The following DMAC2 variants were observed in gnomAD, a reference collection of about 807,000 sequenced individuals.
DMAC2 encodes distal membrane arm assembly component 2.
A neutral mutation model predicts 29.6 loss-of-function variants in DMAC2; 32 were observed. That is an observed-to-expected ratio of 1.08 (90% CI 0.81 to 1.45). The LOEUF is 1.45. Among genes scored for constraint, DMAC2 ranks in the 40% most tolerant of loss-of-function variants. The pLI, the probability that DMAC2 is intolerant of heterozygous loss-of-function variation, is 0.00. For synonymous variants in DMAC2, 133 were observed against 137.4 expected (o/e 0.97, Z 0.23); for missense variants, 319 against 340.0 (o/e 0.94, Z 0.49).
intron 1 of DMAC2, 139 bp from the exon 2 acceptor site, chr19:41,438,553 CTGTCTT>C: frequency 1.3e-6 from 1 of 765,308 alleles, no homozygotes; most frequent in Non-Finnish European, 2.0e-6. Flanking sequence ...AACTTCAAAA[CTGTCTT>C]TGAGATTCCA....
intron 1 of DMAC2, among the ~76,000 whole-genome samples, chr19:41,438,746 A>AC (rs1555772035): frequency 6.6e-6 from 1 of 151,912 alleles, no homozygotes; most frequent in African/African-American, 2.4e-5. Flanking sequence ...CCCCTTAATT[A>AC]CCCAATTCTT....
At chr19:41,432,855 A>AGTGT (rs1164841710) in intron 5 of DMAC2, 2 of 478,524 alleles carry the variant, frequency 4.2e-6, no homozygotes, top group East Asian at 3.4e-5. Context: ...CTTACAGGAC[A>AGTGT]GTGTGTGTGC....
At chr19:41,434,434 TTTTACA>T (rs2039751021) in intron 3 of DMAC2, among the ~76,000 whole-genome samples, 1 of 145,852 alleles carries the variant, frequency 6.9e-6, no homozygotes, top group South Asian at 2.2e-4. Context: ...GTTTTGCCAA[TTTTACA>T]TACCTAGAAA....
chr19:41,435,472 G>A (rs1484772795), intron 3 of DMAC2, among the ~76,000 whole-genome samples: 6 of 152,232 alleles, frequency 3.9e-5, no homozygotes, highest in East Asian at 1.9e-4. Flanking sequence ...GTTTCACCAC[G>A]TTGGCTAGGC....
chr19:41,439,403 T>C, intron 1 of DMAC2: 1 of 1,194,784 alleles, frequency 8.4e-7, no homozygotes, highest in South Asian at 1.3e-5. Context: ...AATTGACCTC[T>C]TGGTTCCCCC....
rs1349870222 is a variant in DMAC2, at chr19:41,432,674, G to GTGTGTGTGTA, written c.597-267_597-266insTACACACACA. On this transcript the variant is annotated intron_variant, in intron 5 of 5. Coordinates refer to ENST00000221943, the MANE Select transcript of DMAC2 (RefSeq NM_018035.3). ...ACAGCGTGTGTGTGTGTGTGTGTGT[G>GTGTGTGTGTA]TGTATAGGGAGATAAGCCAGTATAA... 7.5e-3 allele frequency: 2,722 copies of GTGTGTGTGTA among 365,024 alleles called. 55 individuals carry two copies. The highest frequency in any genetic ancestry group is 0.015 in the Middle Eastern group (19 of 1,238). 22.6% of individuals were successfully genotyped at this position (365,024 alleles called of 1,614,324 possible).
intron 1 of DMAC2, chr19:41,439,562 G>A: frequency 6.5e-7 from 1 of 1,531,780 alleles, no homozygotes; most frequent in South Asian, 1.2e-5. Context: ...ACCCTTGCCT[G>A]TCCATTAGCT....
Position 41,439,892 on chromosome 19 carries a change from G to A in DMAC2, c.8C>T (p.Ala3Val), listed in dbSNP as rs987430324. 2 of 1,614,224 alleles carry A rather than the reference G, an allele frequency of 1.2e-6. No homozygotes were observed. Among genetic ancestry groups the A allele is most frequent in the Non-Finnish European group, 8.5e-7 (1 of 1,180,042 alleles). The change falls in exon 1 of 6, where the codon GCT becomes GTT. Residue 3 changes from alanine to valine, a missense_variant. Coordinates refer to ENST00000221943, the MANE Select transcript of DMAC2 (RefSeq NM_018035.3). MA[A>V]PWASLRLVAP... ...ACTCCGGTCACTTACCGCCCAGGGAGCCGCCATCTTGCTAAGGTTTCGTAA... is the reference window on the plus strand; with the variant it reads ...ACTCCGGTCACTTACCGCCCAGGGAACCGCCATCTTGCTAAGGTTTCGTAA...
At chr19:41,439,282 C>T (rs1419515272) in intron 1 of DMAC2, 6 of 513,516 alleles carry the variant, frequency 1.2e-5, no homozygotes, top group African/African-American at 2.0e-5. Flanking sequence ...AAGTTTAAAG[C>T]TGCCAACCTC....
At chr19:41,436,585 C>T (rs2039876793) in intron 2 of DMAC2, 113 bp from the exon 3 acceptor site, 3 of 856,580 alleles carry the variant, frequency 3.5e-6, no homozygotes, top group Non-Finnish European at 3.8e-6. Flanking sequence ...CAGACAGATT[C>T]AGTCAGGCTG....
chr19:41,434,182 CCGAGATCGTGCCA>C (rs1456622961), intron 3 of DMAC2, among the ~76,000 whole-genome samples: 3 of 151,870 alleles, frequency 2.0e-5, no homozygotes, highest in African/African-American at 7.3e-5. Context: ...TTGCAGTGAG[CCGAGATCGTGCCA>C]CTGCACTCCA....
At chr19:41,439,447 C>A (rs548271917) in intron 1 of DMAC2, 73 of 1,521,278 alleles carry the variant, frequency 4.8e-5, no homozygotes, top group Non-Finnish European at 6.0e-5. Flanking sequence ...TGTAAAAATT[C>A]GTCAATCTCC....
chr19:41,439,572 T>G (rs782567554), intron 1 of DMAC2: 16 of 1,528,462 alleles, frequency 1.0e-5, no homozygotes, highest in East Asian at 4.9e-5. Context: ...GTCCATTAGC[T>G]CCTTGTGTCA....
Position 41,436,488 on chromosome 19 carries a change from T to C in DMAC2, c.216-16A>G, listed in dbSNP as rs1364830334. ...GGTGTAAGATCTGCAGAGAAAATGG[T>C]AGCTAAGGGTGAGGCCTGGGGAGCA... On this transcript the variant is annotated splice_polypyrimidine_tract_variant and intron_variant, in intron 2 of 5. Transcript: ENST00000221943. 5 of 1,612,498 alleles carry C rather than the reference T, an allele frequency of 3.1e-6. No individual in the cohort carries two copies. Among genetic ancestry groups the C allele is most frequent in the Non-Finnish European group, 3.4e-6 (4 of 1,178,722 alleles).
At position 41,432,009 on chromosome 19, in the gene DMAC2, G is replaced by A; in HGVS notation, c.*222C>T. 4 of 595,460 alleles carry A rather than the reference G, an allele frequency of 6.7e-6. No individual in the cohort carries two copies. The highest frequency in any genetic ancestry group is 1.2e-5 in the Non-Finnish European group (4 of 336,342). 36.9% of individuals were successfully genotyped at this position (595,460 alleles called of 1,614,324 possible). ...CTTTACCTCCCCAGGCCTGAACAGG[G>A]GCATGGAAAGGGCTGCCTGACAGGG... is the stretch of plus-strand genomic sequence containing the variant. On this transcript the variant is annotated 3_prime_UTR_variant, in exon 6 of 6. Transcript: ENST00000221943.
chr19:41,435,842 G>A (rs2039830751), intron 3 of DMAC2, among the ~76,000 whole-genome samples: 1 of 151,040 alleles, frequency 6.6e-6, no homozygotes, highest in Non-Finnish European at 1.5e-5. Context: ...ATTACAGAAT[G>A]AGCCAGTGTG....
In DMAC2 at chr19:41,431,675, C is replaced by G; in HGVS notation, c.*556G>C. ...GCCCTCTACTGACAAAGCTTATCCC[C>G]TTTCAAAAAACAGCCAACTGAAAAA... On this transcript the variant is annotated 3_prime_UTR_variant, in exon 6 of 6. Transcript: ENST00000221943. The G allele has an allele frequency of 4.4e-6, 1 of 229,658 alleles. No individual in the cohort carries two copies. The highest frequency in any genetic ancestry group is 8.8e-6 in the Non-Finnish European group (1 of 113,204). 14.2% of individuals were successfully genotyped at this position (229,658 alleles called of 1,614,324 possible).
Position 41,433,674 on chromosome 19 carries a change from C to G in DMAC2, c.297-1G>C. The G allele has an allele frequency of 1.2e-6, 2 of 1,614,214 alleles. No individual in the cohort carries two copies. The highest frequency in any genetic ancestry group is 1.7e-6 in the Non-Finnish European group (2 of 1,180,024). On this transcript the variant is annotated splice_acceptor_variant, in intron 3 of 5. Transcript: ENST00000221943. LOFTEE classifies it high-confidence loss of function. ...CCTGATCCACTCCTTGTCTCGAAACCTGGAAACGGGAAAGGGAGTGTCAGC... is the reference window on the plus strand; with the variant it reads ...CCTGATCCACTCCTTGTCTCGAAACGTGGAAACGGGAAAGGGAGTGTCAGC...
chr19:41,439,481 C>T (rs1315833027), intron 1 of DMAC2: 1 of 1,536,820 alleles, frequency 6.5e-7, no homozygotes, highest in East Asian at 2.4e-5. Flanking sequence ...TACATTCATC[C>T]TTCGGTCTTC....
Sources: allele counts gnomAD v4.1 joint callset (sites outside exome capture counted in the v4.1 genomes callset), GRCh38; gene constraint gnomAD v4.1.1; transcripts MANE v1.5; gene names NCBI Gene and HGNC (gene_info 2026-07-23, HGNC 2026-07-21).